The following B4GALNT3 variants were observed in gnomAD, a reference collection of about 807,000 sequenced individuals.
The protein encoded by B4GALNT3 is beta-1,4-N-acetyl-galactosaminyltransferase 3.
In B4GALNT3, 86 loss-of-function variants were observed where a neutral mutation model predicts 120.2. The ratio of observed to expected loss-of-function variants is 0.72; its 90% CI spans 0.60 to 0.86. The LOEUF (loss-of-function observed/expected upper bound fraction) is 0.86, where lower values mean the gene tolerates loss of function less well. Ranked by LOEUF, B4GALNT3 falls within the 40% of genes least tolerant of loss-of-function variation. The pLI is 0.00. For missense variants in B4GALNT3, 1,167 were observed against 1,298.9 expected, an observed-to-expected ratio of 0.90 and a Z score of 1.56; for synonymous variants, 518 against 510.4, an observed-to-expected ratio of 1.01 and a Z score of -0.20.
chr12:543,269 T>TGA (rs1181534165), intron 3 of B4GALNT3: 29 of 1,182,678 alleles, frequency 2.5e-5, no homozygotes, highest in Middle Eastern at 4.4e-4. Context: ...ACCCGCACAG[T>TGA]GAGAGGAGCA....
At chr12:513,154 CA>C (rs1946614795) in intron 1 of B4GALNT3, among the ~76,000 whole-genome samples, 1 of 124,280 alleles carries the variant, frequency 8.0e-6, no homozygotes, top group Non-Finnish European at 1.8e-5. Flanking sequence ...TTCGACCTTC[CA>C]CCTTCCACCT....
chr12:555,695 C>T (rs1291958428), intron 14 of B4GALNT3, among the ~76,000 whole-genome samples: 1 of 152,238 alleles, frequency 6.6e-6, no homozygotes, highest in Non-Finnish European at 1.5e-5. Context: ...TTTCACATTC[C>T]CATCAGCAGG....
chr12:538,417 G>C (rs1230366626), intron 3 of B4GALNT3, among the ~76,000 whole-genome samples: 3 of 151,812 alleles, frequency 2.0e-5, no homozygotes, highest in Non-Finnish European at 2.9e-5. Flanking sequence ...AAAATAGCTA[G>C]CCGTGGTGAT....
In B4GALNT3 at chr12:506,700, G is replaced by A. The variant is rs1014727003; in HGVS notation, c.170-28466G>A. Among the ~76,000 whole-genome samples the A allele has an allele frequency of 4.6e-5, 7 of 152,064 alleles. No homozygotes were observed. In the South Asian group the frequency reaches 1.2e-3, roughly 27 times the overall value. On this transcript the variant is annotated intron_variant, in intron 1 of 19. Transcript: ENST00000266383. ...CACCCAGGCTGGAGTGCAGTGGCGC[G>A]GTCTCGGCTCACTGCAAGCTCCGCC...
In B4GALNT3 at chr12:553,231, G is replaced by A. The variant is rs763491286; in HGVS notation, c.1308G>A (p.Gly436=). The change falls in exon 14 of 20, where the codon GGG becomes GGA. Residue 436 remains glycine, a synonymous_variant. Coordinates refer to ENST00000266383, the MANE Select transcript of B4GALNT3 (RefSeq NM_173593.4). ...ACCTTCTAGAAGAGTCCCAGTATGGGGAAGTGGCAGAGGAGACCCCTGCCT... is the reference window on the plus strand; with the variant it reads ...ACCTTCTAGAAGAGTCCCAGTATGGAGAAGTGGCAGAGGAGACCCCTGCCT... ...EENLLEESQY[G]EVAEETPASN... 1.2e-6 allele frequency: 2 copies of A among 1,613,506 alleles called. No individual in the cohort carries two copies. Among genetic ancestry groups the A allele is most frequent in the Admixed American group, 3.3e-5 (2 of 60,030 alleles).
intron 3 of B4GALNT3, chr12:543,010 C>A: frequency 1.1e-6 from 1 of 891,180 alleles, no homozygotes; most frequent in Admixed American, 2.6e-5. Context: ...GCAAGTCTTT[C>A]CTGAAACCCC....
chr12:527,170 C>G (rs1040989724), intron 1 of B4GALNT3, among the ~76,000 whole-genome samples: 8 of 152,172 alleles, frequency 5.3e-5, no homozygotes, highest in Non-Finnish European at 1.2e-4. Context: ...TCGAGCAATC[C>G]TTCACCCTCC....
chr12:515,453 T>A (rs1946643658), intron 1 of B4GALNT3, among the ~76,000 whole-genome samples: 1 of 152,070 alleles, frequency 6.6e-6, no homozygotes, highest in South Asian at 2.1e-4. Context: ...TGCCTCAGCC[T>A]CCCAAAGTGC....
At chr12:461,362 CAGG>C (rs1946021004) in intron 1 of B4GALNT3, among the ~76,000 whole-genome samples, 1 of 152,202 alleles carries the variant, frequency 6.6e-6, no homozygotes, top group Admixed American at 6.5e-5. Flanking sequence ...CCTAGGAAAA[CAGG>C]AGAGCGTGGT....
At chr12:504,323 AAAAG>A (rs1408332790) in intron 1 of B4GALNT3, among the ~76,000 whole-genome samples, 4 of 151,626 alleles carry the variant, frequency 2.6e-5, no homozygotes, top group Non-Finnish European at 4.4e-5. Flanking sequence ...AAAAAAAAAA[AAAAG>A]AAAATGAAAT....
intron 1 of B4GALNT3, among the ~76,000 whole-genome samples, chr12:487,840 C>T (rs1946304781): frequency 6.6e-6 from 1 of 151,926 alleles, no homozygotes; most frequent in Admixed American, 6.6e-5. Flanking sequence ...CGCCCAGCTA[C>T]TTTGGGAGGC....
At chr12:528,891 C>T (rs115402743) in intron 1 of B4GALNT3, among the ~76,000 whole-genome samples, 1 of 152,212 alleles carries the variant, frequency 6.6e-6, no homozygotes, top group African/African-American at 2.4e-5. Context: ...GGGAGAAGGG[C>T]TCTGTTTCCG....
intron 3 of B4GALNT3, among the ~76,000 whole-genome samples, chr12:540,703 G>C (rs989475090): frequency 6.6e-6 from 1 of 152,124 alleles, no homozygotes; most frequent in Non-Finnish European, 1.5e-5. Flanking sequence ...GCTCTGTTCT[G>C]AAGCCTTCTG....
chr12:503,582 G>T (rs932282234), intron 1 of B4GALNT3, among the ~76,000 whole-genome samples: 1 of 152,202 alleles, frequency 6.6e-6, no homozygotes, highest in Non-Finnish European at 1.5e-5. Flanking sequence ...CTTGTTGCTT[G>T]TTGGATGAAA....
At chr12:538,651 A>T (rs1946885602) in intron 3 of B4GALNT3, among the ~76,000 whole-genome samples, 1 of 152,008 alleles carries the variant, frequency 6.6e-6, no homozygotes, top group Non-Finnish European at 1.5e-5. Flanking sequence ...ATTTTTAAAT[A>T]CTAAAAATAG....
At chr12:464,433 C>T (rs1342306955) in intron 1 of B4GALNT3, among the ~76,000 whole-genome samples, 1 of 151,854 alleles carries the variant, frequency 6.6e-6, no homozygotes, top group East Asian at 1.9e-4. Flanking sequence ...AGTTCGAGAC[C>T]AGCCTGGCCA....
intron 6 of B4GALNT3, among the ~76,000 whole-genome samples, chr12:545,702 TGAGGAATGGGGAGGAGC>T (rs1946989597): frequency 3.2e-5 from 2 of 63,046 alleles, no homozygotes; most frequent in African/African-American, 1.2e-4. Flanking sequence ...TGGGGAGGAG[TGAGGAATGGGGAGGAGC>T]GAGGTGTGGG....
chr12:468,914 C>T (rs1275474421), intron 1 of B4GALNT3, among the ~76,000 whole-genome samples: 3 of 152,100 alleles, frequency 2.0e-5, no homozygotes, highest in Non-Finnish European at 2.9e-5. Flanking sequence ...CACAAATGGA[C>T]GAGAATAGAG....
chr12:557,180 C>G (rs116133802), intron 15 of B4GALNT3, among the ~76,000 whole-genome samples: 3,648 of 152,088 alleles, frequency 0.024, 61 homozygotes, highest in African/African-American at 0.043. Flanking sequence ...AGACGGGCAG[C>G]GTACTTAATG....
Sources: gnomAD v4.1 joint callset for allele counts (sites outside exome capture counted in the v4.1 genomes callset) on GRCh38, gnomAD v4.1.1 for gene constraint, MANE v1.5 for transcripts, NCBI Gene and HGNC (gene_info 2026-07-23, HGNC 2026-07-21) for gene names.